Variants in KIAA1217 observed in about 807,000 individuals in gnomAD.
The protein encoded by KIAA1217 is KIAA1217, also known as sickle tail protein homolog.
KIAA1217 carries 88 observed loss-of-function variants against 163.9 expected under a neutral mutation model. That is an observed-to-expected ratio of 0.54 (90% CI 0.45 to 0.64). The LOEUF (loss-of-function observed/expected upper bound fraction) is 0.64. Ranked by LOEUF, KIAA1217 falls within the 30% of genes least tolerant of loss-of-function variation. The probability of loss-of-function intolerance (pLI) is 0.00; values close to 1 mark genes in which losing one functional copy is unlikely to be tolerated. For missense variants in KIAA1217, 2,372 were observed against 2,475.0 expected (o/e 0.96, Z 0.88); for synonymous variants, 903 against 923.1 (o/e 0.98, Z 0.39).
chr10:24,307,553 A>C (rs2042138514), intron 2 of KIAA1217, among the ~76,000 whole-genome samples: 2 of 151,638 alleles, frequency 1.3e-5, no homozygotes, highest in South Asian at 4.2e-4. Flanking sequence ...AAGTGGAAGG[A>C]TCACTTGAAT....
intron 1 of KIAA1217, among the ~76,000 whole-genome samples, chr10:24,211,064 AC>A (rs1244223108): frequency 1.3e-5 from 2 of 152,186 alleles, no homozygotes; most frequent in Non-Finnish European, 2.9e-5. Flanking sequence ...TTATCTGGCA[AC>A]CCTATTTGAT....
intron 2 of KIAA1217, among the ~76,000 whole-genome samples, chr10:24,153,108 A>G (rs531022934): frequency 5.9e-5 from 9 of 152,308 alleles, no homozygotes; most frequent in African/African-American, 2.2e-4. Flanking sequence ...TGCCCATCAC[A>G]GGACTTCACT....
intron 2 of KIAA1217, among the ~76,000 whole-genome samples, chr10:24,031,639 T>C (rs931272883): frequency 6.6e-6 from 1 of 152,166 alleles, no homozygotes; most frequent in Non-Finnish European, 1.5e-5. Context: ...CTTAAATAAT[T>C]TTTAAAGCTG....
chr10:23,780,789 T>C (rs1212957942), intron 1 of KIAA1217, among the ~76,000 whole-genome samples: 1 of 152,170 alleles, frequency 6.6e-6, no homozygotes, highest in Admixed American at 6.6e-5. Context: ...CAAGTGATTC[T>C]CATGCCTCAG....
At chr10:24,491,884 G>A (rs1006313978) in intron 6 of KIAA1217, among the ~76,000 whole-genome samples, 2 of 151,212 alleles carry the variant, frequency 1.3e-5, no homozygotes, top group Admixed American at 1.3e-4. Flanking sequence ...AACCCTTTAA[G>A]CAACTTCCTT....
intron 1 of KIAA1217, among the ~76,000 whole-genome samples, chr10:23,934,796 T>A (rs1843453104): frequency 6.6e-6 from 1 of 150,586 alleles, no homozygotes; most frequent in South Asian, 2.1e-4. Context: ...TTTTTGTATT[T>A]TTAGTAGAGA....
intron 1 of KIAA1217, among the ~76,000 whole-genome samples, chr10:23,869,073 T>C (rs1057339968): frequency 2.6e-5 from 4 of 151,300 alleles, no homozygotes; most frequent in Non-Finnish European, 4.4e-5. Flanking sequence ...TAAATGTGTT[T>C]TCAGTCCAGG....
chr10:24,499,315 T>G (rs1410528941), intron 8 of KIAA1217, among the ~76,000 whole-genome samples: 1 of 152,262 alleles, frequency 6.6e-6, no homozygotes, highest in Non-Finnish European at 1.5e-5. Flanking sequence ...GAGAATATCC[T>G]TTTGAACAAC....
intron 2 of KIAA1217, among the ~76,000 whole-genome samples, chr10:24,072,269 G>A (rs915124794): frequency 6.6e-6 from 1 of 151,896 alleles, no homozygotes; most frequent in African/African-American, 2.4e-5. Flanking sequence ...CTCAAGCAAT[G>A]CTCCCACCTC....
At chr10:24,036,697 C>T (rs1848408178) in intron 2 of KIAA1217, among the ~76,000 whole-genome samples, 1 of 152,040 alleles carries the variant, frequency 6.6e-6, no homozygotes, top group Non-Finnish European at 1.5e-5. Flanking sequence ...GGCCCCGACC[C>T]TTTTTAAACA....
At chr10:24,433,252 G>GT (rs1808730161) in intron 4 of KIAA1217, 59 bp downstream of exon 4, 15 of 1,360,262 alleles carry the variant, frequency 1.1e-5, no homozygotes, top group African/African-American at 3.1e-5. Context: ...TTTGTTTTTT[G>GT]TTTTTTTGTT....
chr10:24,411,971 C>T (rs1433968762), intron 3 of KIAA1217, among the ~76,000 whole-genome samples: 3 of 152,004 alleles, frequency 2.0e-5, no homozygotes. Flanking sequence ...CCAACTCGTA[C>T]ACAAAACATG....
chr10:23,997,736 G>T (rs1025270805), intron 1 of KIAA1217, among the ~76,000 whole-genome samples: 18 of 152,142 alleles, frequency 1.2e-4, no homozygotes, highest in African/African-American at 2.4e-4. Context: ...ATCCATGGAG[G>T]GAATTAAAGG....
chr10:24,209,213 AG>A lies in KIAA1217; in HGVS notation c.21del (p.Lys8AsnfsTer25), dbSNP rs1450035387. 1 of 1,613,896 alleles carries A rather than the reference AG, an allele frequency of 6.2e-7. No homozygotes were observed. The highest frequency in any genetic ancestry group is 8.5e-7 in the Non-Finnish European group (1 of 1,179,974). MEENESQKCEPCLPYSA... is the reference protein window; with the variant it reads MEENESXKCEPCLPYSA... Reference sequence around the variant, plus strand: ...GAGACAATGGAAGAAAATGAAAGCCAGAAATGTGAGCCGTGCCTTCCTTACT... The same window carrying A: ...GAGACAATGGAAGAAAATGAAAGCCAAAATGTGAGCCGTGCCTTCCTTACT... On this transcript the variant is annotated frameshift_variant, in exon 1 of 21. Coordinates refer to ENST00000376454, the MANE Select transcript of KIAA1217 (RefSeq NM_019590.5). LOFTEE classifies it high-confidence loss of function.
At chr10:23,973,124 T>C (rs1845390749) in intron 1 of KIAA1217, among the ~76,000 whole-genome samples, 1 of 152,232 alleles carries the variant, frequency 6.6e-6, no homozygotes, top group Non-Finnish European at 1.5e-5. Flanking sequence ...TTTTTTTCTC[T>C]TTCACTTCAA....
rs554452412 is a variant in KIAA1217 at position 23,890,665 on chromosome 10, A to G, written c.-320-116560A>G. On this transcript the variant is annotated intron_variant, in intron 1 of 18. Coordinates refer to the KIAA1217 transcript ENST00000376462. ...TTTTGAATGCATTATACACTTTGGC[A>G]TACAGCCTATATTGATGAGCAGTTG... Among the ~76,000 whole-genome samples, 12 of 152,108 alleles carry G rather than the reference A, an allele frequency of 7.9e-5. 1 individual carries two copies. Among genetic ancestry groups the G allele is most frequent in the Admixed American group, 3.9e-4 (6 of 15,264 alleles).
At chr10:24,327,457 A>G (rs1037628265) in intron 2 of KIAA1217, among the ~76,000 whole-genome samples, 5 of 152,102 alleles carry the variant, frequency 3.3e-5, no homozygotes, top group African/African-American at 1.2e-4. Context: ...GACATGTATT[A>G]ATGTCTCTTC....
At chr10:23,933,798 C>G (rs939701032) in intron 1 of KIAA1217, among the ~76,000 whole-genome samples, 14 of 152,300 alleles carry the variant, frequency 9.2e-5, no homozygotes, top group African/African-American at 3.1e-4. Context: ...AGCTCAACAT[C>G]ACTGATCATC....
intron 2 of KIAA1217, among the ~76,000 whole-genome samples, chr10:24,337,619 T>C (rs2046525104): frequency 3.0e-5 from 2 of 66,546 alleles, no homozygotes; most frequent in African/African-American, 8.2e-5. Flanking sequence ...TCTTTTCTTT[T>C]CTTTTCTTTT....
Sources: gnomAD v4.1 joint callset for allele counts (sites outside exome capture counted in the v4.1 genomes callset) on GRCh38, gnomAD v4.1.1 for gene constraint, MANE v1.5 for transcripts, NCBI Gene and HGNC (gene_info 2026-07-23, HGNC 2026-07-21) for gene names.